The following SORCS1 variants were observed in gnomAD, a reference collection of about 807,000 sequenced individuals.
SORCS1 encodes the protein VPS10 domain-containing receptor SorCS1.
In SORCS1, 60 loss-of-function variants were observed where a neutral mutation model predicts 146.1. The ratio of observed to expected loss-of-function variants is 0.41; its 90% CI spans 0.33 to 0.51. SORCS1 has a LOEUF of 0.51. SORCS1 is among the 20% of genes least tolerant of loss of function. The pLI, the probability that SORCS1 is intolerant of heterozygous loss-of-function variation, is 0.21. For missense variants in SORCS1, 1,352 were observed against 1,487.6 expected, an observed-to-expected ratio of 0.91 and a Z score of 1.50; for synonymous variants, 637 against 584.0, an observed-to-expected ratio of 1.09 and a Z score of -1.31.
chr10:106,942,033 T>C (rs903676795), intron 2 of SORCS1, among the ~76,000 whole-genome samples: 4 of 152,200 alleles, frequency 2.6e-5, no homozygotes, highest in Non-Finnish European at 5.9e-5. Flanking sequence ...AGTTGTTCCA[T>C]ATAAATGCAG....
intron 23 of SORCS1, among the ~76,000 whole-genome samples, chr10:106,598,781 G>T (rs1270071840): frequency 6.6e-6 from 1 of 151,780 alleles, no homozygotes; most frequent in East Asian, 1.9e-4. Flanking sequence ...GTTAAGCAGG[G>T]CCTGATGGCT....
intron 5 of SORCS1, among the ~76,000 whole-genome samples, chr10:106,733,628 C>T (rs893470987): frequency 2.0e-5 from 3 of 152,140 alleles, no homozygotes; most frequent in Admixed American, 2.0e-4. Context: ...TGTGTTTCAT[C>T]CTCATCCTCA....
intron 3 of SORCS1, among the ~76,000 whole-genome samples, chr10:106,804,689 G>T (rs918053295): frequency 6.6e-6 from 1 of 152,078 alleles, no homozygotes; most frequent in Non-Finnish European, 1.5e-5. Flanking sequence ...CAGTTATCTA[G>T]GAAATCCACT....
At chr10:106,875,101 C>T (rs1337727954) in intron 2 of SORCS1, among the ~76,000 whole-genome samples, 1 of 152,018 alleles carries the variant, frequency 6.6e-6, no homozygotes, top group African/African-American at 2.4e-5. Context: ...GTTTTTTATC[C>T]CACATCCCCC....
Position 106,841,070 on chromosome 10 carries a change from G to A in SORCS1, c.627-11397C>T, listed in dbSNP as rs549849495. 1.1e-4 allele frequency among the ~76,000 whole-genome samples: 16 copies of A among 150,168 alleles called. No individual in the cohort carries two copies. In the South Asian group the frequency reaches 3.0e-3, roughly 29 times the overall value. Reference sequence around the variant, plus strand: ...GGGGTTTCACCATGTTGGCCAAGATGGTCTAGATCTCCTGACCTCATGATC... The same window carrying A: ...GGGGTTTCACCATGTTGGCCAAGATAGTCTAGATCTCCTGACCTCATGATC... On this transcript the variant is annotated intron_variant, in intron 2 of 25. Coordinates refer to ENST00000263054, the MANE Select transcript of SORCS1 (RefSeq NM_052918.5).
At chr10:107,132,648 T>G (rs567764574) in intron 1 of SORCS1, among the ~76,000 whole-genome samples, 1 of 152,270 alleles carries the variant, frequency 6.6e-6, no homozygotes, top group East Asian at 1.9e-4. Context: ...CATAGAGAAT[T>G]TGGCCTACTT....
chr10:106,593,421 C>T (rs1330703862), intron 24 of SORCS1, among the ~76,000 whole-genome samples: 1 of 152,150 alleles, frequency 6.6e-6, no homozygotes, highest in East Asian at 1.9e-4. Flanking sequence ...GAAAATCGAG[C>T]CCTGAGTGAC....
chr10:106,792,620 T>C (rs1946370336), intron 3 of SORCS1, among the ~76,000 whole-genome samples: 1 of 152,228 alleles, frequency 6.6e-6, no homozygotes, highest in African/African-American at 2.4e-5. Flanking sequence ...GACTGCATCT[T>C]AACCATTAGA....
intron 1 of SORCS1, among the ~76,000 whole-genome samples, chr10:106,991,261 T>A (rs7090682): frequency 0.17 from 26,486 of 152,184 alleles, 7,055 homozygotes; most frequent in African/African-American, 0.58. Flanking sequence ...TATTTCAGCT[T>A]TCATGTTTTC....
intron 18 of SORCS1, among the ~76,000 whole-genome samples, chr10:106,631,321 T>C (rs757033714): frequency 2.8e-4 from 43 of 152,228 alleles, no homozygotes; most frequent in Non-Finnish European, 4.4e-4. Context: ...GTGCACTTAC[T>C]TGAATTCCCT....
At position 106,982,915 on chromosome 10, in the gene SORCS1, T is replaced by C. The variant is rs1956294951; in HGVS notation, c.559-26335A>G. Among the ~76,000 whole-genome samples, 4 of 152,092 alleles carry C rather than the reference T, an allele frequency of 2.6e-5. No individual in the cohort carries two copies. The South Asian group carries it at 8.3e-4, about 32-fold the overall frequency. ...CTGAAGGCAGCCTATTGAGAGCTTT[T>C]TGATACCAGAGATCTTACTATATTC... On this transcript the variant is annotated intron_variant, in intron 1 of 25. Transcript: ENST00000263054.
chr10:106,581,116 C>A (rs935721159), intron 24 of SORCS1, among the ~76,000 whole-genome samples: 3 of 152,164 alleles, frequency 2.0e-5, no homozygotes, highest in Non-Finnish European at 4.4e-5. Flanking sequence ...ACTCACCCTG[C>A]AACTGGTAGG....
At chr10:106,809,418 C>T (rs145523845) in intron 3 of SORCS1, among the ~76,000 whole-genome samples, 1 of 152,000 alleles carries the variant, frequency 6.6e-6, no homozygotes, top group East Asian at 1.9e-4. Flanking sequence ...GTACTGGGCT[C>T]CCAGGAAGGC....
At chr10:106,948,918 G>T (rs531371997) in intron 2 of SORCS1, among the ~76,000 whole-genome samples, 5 of 151,842 alleles carry the variant, frequency 3.3e-5, no homozygotes, top group African/African-American at 7.3e-5. Flanking sequence ...CTGAGATCAC[G>T]CCACTGCACT....
intron 2 of SORCS1, among the ~76,000 whole-genome samples, chr10:106,906,710 C>T (rs917592012): frequency 1.3e-5 from 2 of 152,120 alleles, no homozygotes; most frequent in African/African-American, 4.8e-5. Context: ...GGGACACAGC[C>T]AAACCATATC....
chr10:106,674,392 G>A (rs1270254335), intron 14 of SORCS1, among the ~76,000 whole-genome samples: 2 of 128,624 alleles, frequency 1.6e-5, no homozygotes, highest in Non-Finnish European at 3.2e-5. Flanking sequence ...AGCTTACCAA[G>A]TATTGACTTT....
intron 5 of SORCS1, among the ~76,000 whole-genome samples, chr10:106,750,954 G>A (rs1397911804): frequency 4.7e-5 from 7 of 148,068 alleles, no homozygotes; most frequent in Non-Finnish European, 7.4e-5. Context: ...AGCTACTAGG[G>A]AGGCTGAGGC....
chr10:106,620,727 C>T (rs1457845709), intron 19 of SORCS1, among the ~76,000 whole-genome samples, 166 bp from the exon 20 acceptor site: 1 of 152,214 alleles, frequency 6.6e-6, no homozygotes, highest in East Asian at 1.9e-4. Context: ...AGAAAGAATA[C>T]ATTGAGCACA....
intron 2 of SORCS1, among the ~76,000 whole-genome samples, chr10:106,842,786 T>A (rs1461096504): frequency 1.3e-5 from 2 of 151,542 alleles, no homozygotes; most frequent in South Asian, 2.1e-4. Context: ...GCTAATTTTG[T>A]ATTTTTAGTA....
Sources: gnomAD v4.1 joint callset for allele counts (sites outside exome capture counted in the v4.1 genomes callset) on GRCh38, gnomAD v4.1.1 for gene constraint, MANE v1.5 for transcripts, NCBI Gene and HGNC (gene_info 2026-07-23, HGNC 2026-07-21) for gene names.